PERM1: variants seen among roughly 807,000 people sequenced by gnomAD.
The protein encoded by PERM1 is PPARGC1 and ESRR induced regulator, muscle 1.
PERM1 carries 45 observed loss-of-function variants against 44.1 expected under a neutral mutation model. The ratio of observed to expected loss-of-function variants is 1.02; its 90% CI spans 0.80 to 1.31. The LOEUF is 1.31. PERM1 is among the 50% of genes most tolerant of loss of function. PERM1 has a pLI of 0.00. For missense variants in PERM1, 1,189 were observed against 1,106.9 expected, an observed-to-expected ratio of 1.07 and a Z score of -1.05; for synonymous variants, 565 against 477.1, an observed-to-expected ratio of 1.18 and a Z score of -2.40.
chr1:979,353 C>T lies in PERM1; in HGVS notation c.1677G>A (p.Leu559=), dbSNP rs965716346. 1.9e-5 allele frequency: 29 copies of T among 1,514,618 alleles called. No homozygotes were observed. In the African/African-American group the frequency reaches 3.1e-4, roughly 16 times the overall value. The allele number at this position is 1,514,618 out of a possible 1,614,324, so 93.8% of individuals were successfully genotyped here. A position where few individuals can be genotyped will look rare whatever the true frequency, so the allele number is the denominator to read the frequency against. The change falls in exon 1 of 3, where the codon CTG becomes CTA. Residue 559 remains leucine (L), a synonymous_variant. Transcript: ENST00000433179. ...TCACGGCAGAGGGAGGGGGGCGAGG[C>T]AGGTGCTTGAGGATCCGAGGCTGGT...
At position 979,132 on chromosome 1, in the gene PERM1, G is replaced by A. The variant is rs544500813; in HGVS notation, c.1898C>T (p.Ser633Phe). ...ATCAGCTCTCGGGAGCGGCTCCGGG[G>A]ACCCCCGCCGCCTCGACCTCTGGGC... Residue 633 changes from serine to phenylalanine, a missense_variant, in exon 1 of 3, where the codon TCC (serine) becomes TTC (phenylalanine). Around this residue, in one of 3 missense-constraint regions of PERM1, gnomAD observed 900 missense variants for 760.4 expected, o/e 1.18. Coordinates refer to ENST00000433179, the Ensembl canonical transcript of PERM1. 133 of 1,549,916 alleles carry A rather than the reference G, an allele frequency of 8.6e-5. 2 individuals are homozygous for A. The African/African-American group carries it at 1.4e-3, about 17-fold the overall frequency.
exon 1 of PERM1, chr1:979,772 C>T (rs1261807912): frequency 1.3e-6 from 2 of 1,550,368 alleles, no homozygotes; most frequent in East Asian, 2.4e-5. Flanking sequence ...AGCTTAGCCA[C>T]TGGGCCTGCT....
At chr1:975,783 C>T (rs1175046345) in exon 3 of PERM1, 27 of 189,882 alleles carry the variant, frequency 1.4e-4, no homozygotes. Context: ...TCAGCTCCCC[C>T]TGCACCCCAG....
chr1:978,285 A>G (rs528558401), intron 1 of PERM1, among the ~76,000 whole-genome samples: 3 of 147,496 alleles, frequency 2.0e-5, no homozygotes, highest in Admixed American at 6.7e-5. Flanking sequence ...CTGTCCTAAG[A>G]TACATTTGTG....
chr1:979,159 C>A (rs1167896312), exon 1 of PERM1: 1 of 1,549,952 alleles, frequency 6.5e-7, no homozygotes, highest in Non-Finnish European at 8.7e-7. Flanking sequence ...CCTCTGGGCT[C>A]CAACGTCTGG....
chr1:981,843 G>T (rs1333948377), upstream of PERM1, among the ~76,000 whole-genome samples: 1 of 152,210 alleles, frequency 6.6e-6, no homozygotes, highest in East Asian at 1.9e-4. Flanking sequence ...CCAGCTGTCG[G>T]GTCTACCCCT....
At chr1:980,462 C>A in exon 1 of PERM1, 2 of 1,534,608 alleles carry the variant, frequency 1.3e-6, no homozygotes, top group South Asian at 1.2e-5. Context: ...CCCCCCTTGG[C>A]ACCCACAGCT....
exon 3 of PERM1, chr1:975,906 T>C: frequency 2.0e-6 from 1 of 488,122 alleles, no homozygotes; most frequent in Non-Finnish European, 3.6e-6. Context: ...TGTTCTCATC[T>C]GTGAATCTGG....
At chr1:978,886 C>G (rs1007004165) in exon 1 of PERM1, 44 of 1,485,924 alleles carry the variant, frequency 3.0e-5, no homozygotes, top group Non-Finnish European at 3.1e-5. Flanking sequence ...CGTACCTGCC[C>G]GTCTAAGAGC....
exon 1 of PERM1, chr1:979,349 G>C: frequency 2.6e-6 from 4 of 1,516,078 alleles, no homozygotes; most frequent in Non-Finnish European, 3.5e-6. Context: ...GGAGGGGGGC[G>C]AGGCAGGTGC....
chr1:975,831 AAC>A lies in PERM1; in HGVS notation c.*339_*340del, dbSNP rs1305742092. The A allele has an allele frequency of 5.8e-5, 16 of 274,652 alleles. No individual in the cohort carries two copies. The East Asian group carries it at 1.1e-3, about 19-fold the overall frequency. 17.0% of individuals were successfully genotyped at this position (274,652 alleles called of 1,614,324 possible). On this transcript the variant is annotated 3_prime_UTR_variant, in exon 3 of 3. Coordinates refer to ENST00000433179, the Ensembl canonical transcript of PERM1. ...GTGCGGTTGCATTTGATTTCAGATA[AAC>A]AACAACTTCTTAGTAAAATGACCTC... is the stretch of plus-strand genomic sequence containing the variant.
chr1:979,014 G>A (rs755873632), exon 1 of PERM1: 6 of 1,532,500 alleles, frequency 3.9e-6, no homozygotes, highest in East Asian at 2.5e-5. Context: ...GCCCCAGCAC[G>A]CCCTCAAGCC....
At chr1:981,315 G>A (rs1156864177), upstream of PERM1, 3 of 809,596 alleles carry the variant, frequency 3.7e-6, no homozygotes, top group African/African-American at 1.7e-5. Context: ...TGATGATGCG[G>A]TGTTACATTC....
rs1243948723 is a variant in PERM1, at chr1:979,662, G to A, written c.1368C>T (p.Gly456=). Residue 456 remains glycine (G), a synonymous_variant, in exon 1 of 3, where the codon GGC becomes GGT. Transcript: ENST00000433179. ...CTCTGCGGGTGGGAGGCCAGGCGAG[G>A]CCAGCGGCGTCGGCTCTGGGAACAG... is the stretch of plus-strand genomic sequence containing the variant. 11 of 1,550,188 alleles carry A rather than the reference G, an allele frequency of 7.1e-6. No homozygotes were observed. The Admixed American group carries it at 1.2e-4, about 17-fold the overall frequency.
exon 3 of PERM1, chr1:975,954 A>T (rs1177317634): frequency 3.8e-6 from 2 of 533,046 alleles, no homozygotes; most frequent in Non-Finnish European, 6.5e-6. Flanking sequence ...CCCTCCACCC[A>T]CCCAGACTTT....
intron 1 of PERM1, 77 bp downstream of exon 2, chr1:978,804 G>A (rs371221955): frequency 2.3e-5 from 30 of 1,326,832 alleles, no homozygotes; most frequent in African/African-American, 1.2e-4. Context: ...CGGCCCCTGC[G>A]GCCCCCTGCT....
exon 1 of PERM1, chr1:979,913 C>A (rs1254502238): frequency 1.3e-6 from 2 of 1,550,202 alleles, no homozygotes; most frequent in Admixed American, 3.9e-5. Context: ...GGTGTAGACA[C>A]AGCCGTGTCA....
chr1:979,574 A>G (rs749837033), exon 1 of PERM1: 1 of 1,550,056 alleles, frequency 6.5e-7, no homozygotes, highest in South Asian at 1.2e-5. Context: ...CCAGAGCAGC[A>G]TCCGGGGGCC....
chr1:975,853 G>C (rs1267208687), exon 3 of PERM1: 1 of 334,482 alleles, frequency 3.0e-6, no homozygotes, highest in Non-Finnish European at 5.5e-6. Context: ...TTAGTAAAAT[G>C]ACCTCCCCAC....
Sources: allele counts gnomAD v4.1 joint callset (sites outside exome capture counted in the v4.1 genomes callset), GRCh38; gene constraint gnomAD v4.1.1; regional missense constraint gnomAD v4.1.1; transcripts MANE v1.5; gene names NCBI Gene and HGNC (gene_info 2026-07-23, HGNC 2026-07-21).